Variants in SCHIP1 observed in about 807,000 individuals in gnomAD.
SCHIP1 encodes schwannomin-interacting protein 1.
Under a neutral mutation model 29.7 loss-of-function variants are expected in SCHIP1, and 8 were observed. The observed-to-expected ratio is 0.27, with a 90% CI of 0.16 to 0.49. The LOEUF is 0.49. SCHIP1 is among the 20% of genes least tolerant of loss of function. The pLI is 0.99. For synonymous variants in SCHIP1, 76 were observed against 94.9 expected, an observed-to-expected ratio of 0.80 and a Z score of 1.16; for missense variants, 193 against 294.6, an observed-to-expected ratio of 0.66 and a Z score of 2.52.
chr3:159,384,300 T>G, the SCHIP1 span, among the ~76,000 whole-genome samples: 1 of 151,906 alleles, frequency 6.6e-6, no homozygotes, highest in Non-Finnish European at 1.5e-5. Context: ...CCTAACTTAT[T>G]GAGAGTTTTT....
At chr3:159,617,173 G>A in the SCHIP1 span, among the ~76,000 whole-genome samples, 1 of 152,180 alleles carries the variant, frequency 6.6e-6, no homozygotes, top group African/African-American at 2.4e-5. Flanking sequence ...GAGAGCTAGA[G>A]ATATCTGGTA....
chr3:159,423,405 A>C, the SCHIP1 span, among the ~76,000 whole-genome samples: 1 of 152,224 alleles, frequency 6.6e-6, no homozygotes, highest in Non-Finnish European at 1.5e-5. Context: ...AGGAGATTAT[A>C]TCGCACACCT....
the SCHIP1 span, among the ~76,000 whole-genome samples, chr3:159,299,395 C>T: frequency 6.6e-4 from 100 of 152,194 alleles, 1 homozygote; most frequent in East Asian, 3.1e-3. Context: ...ATGGAATTTA[C>T]GACAGACCCA....
At chr3:159,362,026 G>C in the SCHIP1 span, among the ~76,000 whole-genome samples, 1 of 152,188 alleles carries the variant, frequency 6.6e-6, no homozygotes, top group African/African-American at 2.4e-5. Flanking sequence ...TTGGTATATA[G>C]TTGGTGAAGT....
the SCHIP1 span, among the ~76,000 whole-genome samples, chr3:159,616,001 C>A: frequency 0.017 from 2,561 of 152,254 alleles, 63 homozygotes; most frequent in African/African-American, 0.058. Flanking sequence ...CTATCTGAGG[C>A]CTGCACCCCA....
chr3:159,833,566 A>G, the SCHIP1 span, among the ~76,000 whole-genome samples: 1 of 152,198 alleles, frequency 6.6e-6, no homozygotes, highest in East Asian at 1.9e-4. Context: ...TTGACCCAGG[A>G]GACAGGGGAC....
the SCHIP1 span, among the ~76,000 whole-genome samples, chr3:159,442,971 G>T: frequency 2.6e-5 from 4 of 152,160 alleles, no homozygotes; most frequent in South Asian, 8.3e-4. Flanking sequence ...ACACTCCAGG[G>T]AGACTTAGCT....
the SCHIP1 span, among the ~76,000 whole-genome samples, chr3:159,487,986 TCA>T: frequency 6.6e-6 from 1 of 152,200 alleles, no homozygotes; most frequent in South Asian, 2.1e-4. Context: ...TTCCACTGAG[TCA>T]CAGTTTTCCT....
the SCHIP1 span, among the ~76,000 whole-genome samples, chr3:159,525,883 A>G: frequency 6.6e-6 from 1 of 152,324 alleles, no homozygotes; most frequent in Non-Finnish European, 1.5e-5. Context: ...TTCATTTAAT[A>G]AGCACATGGA....
At chr3:159,660,468 A>G in the SCHIP1 span, among the ~76,000 whole-genome samples, 1 of 152,142 alleles carries the variant, frequency 6.6e-6, no homozygotes, top group Admixed American at 6.6e-5. Context: ...TATCAGATGG[A>G]CATAATGTAG....
chr3:159,520,115 A>T, the SCHIP1 span, among the ~76,000 whole-genome samples: 1 of 148,832 alleles, frequency 6.7e-6, no homozygotes, highest in Admixed American at 6.7e-5. Flanking sequence ...AAAAAAAAAA[A>T]CTCCCAGCTC....
the SCHIP1 span, among the ~76,000 whole-genome samples, chr3:159,423,494 G>A: frequency 2.7e-4 from 41 of 152,234 alleles, no homozygotes; most frequent in Non-Finnish European, 5.7e-4. Context: ...AGGCGGCAGC[G>A]AGGCTGGGGG....
At chr3:159,545,409 C>A in the SCHIP1 span, among the ~76,000 whole-genome samples, 1 of 151,834 alleles carries the variant, frequency 6.6e-6, no homozygotes, top group Non-Finnish European at 1.5e-5. Context: ...CCTAGCCTCC[C>A]AGCCTACATC....
chr3:159,772,421 G>A, the SCHIP1 span, among the ~76,000 whole-genome samples: 8 of 152,198 alleles, frequency 5.3e-5, no homozygotes, highest in African/African-American at 1.7e-4. Flanking sequence ...GGGATTATAG[G>A]CGTGAGCCAC....
chr3:159,825,575 C>T, the SCHIP1 span, among the ~76,000 whole-genome samples: 1 of 152,316 alleles, frequency 6.6e-6, no homozygotes, highest in South Asian at 2.1e-4. Flanking sequence ...CTCCTGCCCT[C>T]GATCCCAAGG....
chr3:159,405,880 CAAAA>C, the SCHIP1 span, among the ~76,000 whole-genome samples: 1 of 75,230 alleles, frequency 1.3e-5, no homozygotes. Context: ...GAGACTCTGT[CAAAA>C]AAAAAAAAAA....
At chr3:159,376,322 A>G in the SCHIP1 span, among the ~76,000 whole-genome samples, 8 of 152,178 alleles carry the variant, frequency 5.3e-5, no homozygotes, top group Non-Finnish European at 7.3e-5. Context: ...GGACTTTGTA[A>G]ATAAATCATG....
chr3:159,717,045 C>T, the SCHIP1 span, among the ~76,000 whole-genome samples: 3 of 152,190 alleles, frequency 2.0e-5, no homozygotes, highest in Admixed American at 6.5e-5. Context: ...GTCTCTCAGA[C>T]CACAGTGCAA....
chr3:159,455,956 G>C, the SCHIP1 span, among the ~76,000 whole-genome samples: 4 of 152,214 alleles, frequency 2.6e-5, no homozygotes, highest in African/African-American at 9.6e-5. Context: ...AGTGTTTCTG[G>C]AATGTCTGTA....
Sources: allele counts gnomAD v4.1 joint callset (sites outside exome capture counted in the v4.1 genomes callset), GRCh38; gene constraint gnomAD v4.1.1; transcripts MANE v1.5; gene names NCBI Gene and HGNC (gene_info 2026-07-23, HGNC 2026-07-21).